Variants in CRADD observed in about 807,000 individuals in gnomAD.
The protein encoded by CRADD is CARD and death domain containing adaptor protein.
Under a neutral mutation model 15.5 loss-of-function variants are expected in CRADD, and 9 were observed. That is an observed-to-expected ratio of 0.58 (90% CI 0.35 to 1.01). The LOEUF is 1.01. CRADD is among the 50% of genes least tolerant of loss of function. The probability of loss-of-function intolerance (pLI) is 0.02; values close to 1 mark genes in which losing one functional copy is unlikely to be tolerated. For missense variants in CRADD, 227 were observed against 250.3 expected (o/e 0.91, Z 0.63); for synonymous variants, 118 against 107.6 (o/e 1.10, Z -0.60).
chr12:93,778,575 T>C (rs1213611615), intron 2 of CRADD, among the ~76,000 whole-genome samples: 1 of 152,298 alleles, frequency 6.6e-6, no homozygotes, highest in African/African-American at 2.4e-5. Flanking sequence ...ACAATCTTTC[T>C]CTCATGCAAT....
intron 2 of CRADD, among the ~76,000 whole-genome samples, chr12:93,695,132 T>A (rs942687216): frequency 1.3e-5 from 2 of 152,118 alleles, no homozygotes; most frequent in Non-Finnish European, 2.9e-5. Flanking sequence ...CATAGACCAA[T>A]GGAACAGAAT....
Position 93,850,199 on chromosome 12 carries a change from C to G in CRADD, c.528C>G (p.Thr176=). The G allele has an allele frequency of 6.2e-7, 1 of 1,613,378 alleles. No homozygotes were observed. Among genetic ancestry groups the G allele is most frequent in the Non-Finnish European group, 8.5e-7 (1 of 1,179,590 alleles). ...GGCAGCGCTTCGGGAAGCAGGCCAC[C>G]TTCCAGAGCCTGCACAACGGGCTGC... ...RWRQRFGKQA[T]FQSLHNGLRA... is the part of the protein sequence containing the mutation. The change falls in exon 3 of 3, where the codon ACC becomes ACG. Residue 176 remains threonine (T), a synonymous_variant. Coordinates refer to ENST00000332896, the MANE Select transcript of CRADD (RefSeq NM_003805.5). The surrounding 1 kb of genome is among the most constrained non-coding windows in gnomAD (Gnocchi z 4.0).
intron 2 of CRADD, among the ~76,000 whole-genome samples, chr12:93,794,160 T>A (rs992691574): frequency 6.6e-6 from 1 of 152,192 alleles, no homozygotes; most frequent in East Asian, 1.9e-4. Context: ...TTCTGCATCT[T>A]GCTGGTTTCC....
rs138712709 is a variant in CRADD at position 93,788,389 on chromosome 12, G to A, written c.299-61581G>A. On this transcript the variant is annotated intron_variant, in intron 2 of 2. Transcript: ENST00000332896. ...CTCCACCTTGTCCCTCTCATGACAC[G>A]TGGGGATTATGGGAGCTACAATTCA... Among the ~76,000 whole-genome samples the A allele has an allele frequency of 2.8e-3, 421 of 152,220 alleles. 2 individuals are homozygous for A. The highest frequency in any genetic ancestry group is 8.6e-3 in the African/African-American group (356 of 41,526).
Position 93,695,027 on chromosome 12 carries a change from C to T in CRADD, c.298+15955C>T, listed in dbSNP as rs544283175. ...CAAAGCAGTCTTGAGCAAAGAAGAACAGAACTGGAGGCATCATACTACCTT... is the reference window on the plus strand; with the variant it reads ...CAAAGCAGTCTTGAGCAAAGAAGAATAGAACTGGAGGCATCATACTACCTT... On this transcript the variant is annotated intron_variant, in intron 2 of 2. Coordinates refer to ENST00000332896, the MANE Select transcript of CRADD (RefSeq NM_003805.5). Among the ~76,000 whole-genome samples, 4 of 152,296 alleles carry T rather than the reference C, an allele frequency of 2.6e-5. No homozygotes were observed. In the South Asian group the frequency reaches 8.3e-4, roughly 32 times the overall value.
chr12:93,712,504 C>T (rs1191449531), intron 2 of CRADD, among the ~76,000 whole-genome samples: 1 of 152,114 alleles, frequency 6.6e-6, no homozygotes, highest in African/African-American at 2.4e-5. Context: ...CCAGAAAAAA[C>T]ATTAGTAACA....
chr12:93,776,404 G>A (rs1038802596), intron 2 of CRADD, among the ~76,000 whole-genome samples: 2 of 152,182 alleles, frequency 1.3e-5, no homozygotes, highest in African/African-American at 4.8e-5. Context: ...AAGACTGTGT[G>A]TATTTAAAAT....
At chr12:93,868,585 A>G (rs1958391066) in intron 2 of CRADD, among the ~76,000 whole-genome samples, 1 of 152,146 alleles carries the variant, frequency 6.6e-6, no homozygotes, top group South Asian at 2.1e-4. Context: ...TTTAAAAAAT[A>G]TAAAGGCTTC....
chr12:93,843,528 C>T (rs1405243106), intron 2 of CRADD, among the ~76,000 whole-genome samples: 11 of 150,746 alleles, frequency 7.3e-5, no homozygotes, highest in Middle Eastern at 3.4e-3. Flanking sequence ...TACAGGTGCC[C>T]GCCACCAAGC....
At chr12:93,810,540 C>A (rs1593009146) in intron 2 of CRADD, among the ~76,000 whole-genome samples, 1 of 76,104 alleles carries the variant, frequency 1.3e-5, no homozygotes, top group African/African-American at 5.0e-5. Flanking sequence ...AACAAGAGCG[C>A]AAATCAGTCT....
At chr12:93,724,680 T>C (rs1956322428) in intron 2 of CRADD, among the ~76,000 whole-genome samples, 1 of 152,316 alleles carries the variant, frequency 6.6e-6, no homozygotes, top group South Asian at 2.1e-4. Context: ...AATTCTGTTA[T>C]GCAAAAACAT....
At chr12:93,839,682 T>A (rs1958025336) in intron 2 of CRADD, among the ~76,000 whole-genome samples, 1 of 152,246 alleles carries the variant, frequency 6.6e-6, no homozygotes, top group Non-Finnish European at 1.5e-5. Flanking sequence ...TTTCTGCATT[T>A]GAGCATCTCT....
chr12:93,811,578 C>T (rs1957627136), intron 2 of CRADD, among the ~76,000 whole-genome samples: 1 of 152,222 alleles, frequency 6.6e-6, no homozygotes, highest in African/African-American at 2.4e-5. Flanking sequence ...CCTCACTCTG[C>T]TTTGAGACGT....
intron 2 of CRADD, among the ~76,000 whole-genome samples, chr12:93,685,816 AC>A (rs1367491848): frequency 8.2e-4 from 123 of 149,094 alleles, no homozygotes; most frequent in Middle Eastern, 7.9e-3. Flanking sequence ...ACATGGTGAA[AC>A]CCCCATCTCT....
At chr12:93,859,142 T>C (rs1958298886) in intron 2 of CRADD, among the ~76,000 whole-genome samples, 1 of 152,234 alleles carries the variant, frequency 6.6e-6, no homozygotes, top group South Asian at 2.1e-4. Flanking sequence ...AAATGCCTGA[T>C]TGTGTGTGCA....
intron 2 of CRADD, among the ~76,000 whole-genome samples, chr12:93,744,315 A>C (rs1026658984): frequency 2.6e-5 from 4 of 152,188 alleles, no homozygotes; most frequent in Non-Finnish European, 5.9e-5. Context: ...CTTGGAGAGC[A>C]CTAACTGCTG....
intron 2 of CRADD, among the ~76,000 whole-genome samples, chr12:93,870,720 G>T (rs1443323768): frequency 6.6e-6 from 1 of 152,176 alleles, no homozygotes; most frequent in Admixed American, 6.5e-5. Context: ...CCTCCTCAAA[G>T]CCCGTTATAG....
At chr12:93,779,282 T>G (rs1219761881) in intron 2 of CRADD, among the ~76,000 whole-genome samples, 1 of 152,248 alleles carries the variant, frequency 6.6e-6, no homozygotes, top group East Asian at 1.9e-4. Context: ...AACTTAGTTC[T>G]AACTATCTAG....
intron 2 of CRADD, among the ~76,000 whole-genome samples, chr12:93,863,555 C>T (rs1413922076): frequency 6.6e-6 from 1 of 150,924 alleles, no homozygotes; most frequent in Non-Finnish European, 1.5e-5. Flanking sequence ...TAAATCCCCC[C>T]AGGCCTCTAC....
Sources: gnomAD v4.1 joint callset for allele counts (sites outside exome capture counted in the v4.1 genomes callset) on GRCh38, gnomAD v4.1.1 for gene constraint, Gnocchi (gnomAD v3.1) non-coding constraint, MANE v1.5 for transcripts, NCBI Gene and HGNC (gene_info 2026-07-23, HGNC 2026-07-21) for gene names.